The following DENND4C variants were observed in gnomAD, a reference collection of about 807,000 sequenced individuals.
The protein encoded by DENND4C is DENN domain-containing protein 4C.
A neutral mutation model predicts 203.0 loss-of-function variants in DENND4C; 108 were observed. The observed-to-expected ratio is 0.53, with a 90% CI of 0.46 to 0.62. The LOEUF (loss-of-function observed/expected upper bound fraction) is 0.62, where lower values mean the gene tolerates loss of function less well. Ranked by LOEUF, DENND4C falls within the 20% of genes least tolerant of loss-of-function variation. The pLI is 0.00. For missense variants in DENND4C, 2,481 were observed against 2,301.2 expected (o/e 1.08, Z -1.60); for synonymous variants, 871 against 792.4 (o/e 1.10, Z -1.67).
At chr9:19,355,321 A>G (rs1164759769) in intron 26 of DENND4C, among the ~76,000 whole-genome samples, 1 of 152,066 alleles carries the variant, frequency 6.6e-6, no homozygotes, top group Non-Finnish European at 1.5e-5. Flanking sequence ...TTAATTTTTT[A>G]CCTTGCAATT....
chr9:19,232,517 T>TGTCTC (rs1820837408), intron 1 of DENND4C, among the ~76,000 whole-genome samples: 2 of 152,210 alleles, frequency 1.3e-5, no homozygotes, highest in African/African-American at 4.8e-5. Context: ...ATGTTGTCGT[T>TGTCTC]GTATATTGGA....
intron 1 of DENND4C, among the ~76,000 whole-genome samples, chr9:19,251,361 T>A (rs986930927): frequency 2.0e-5 from 3 of 152,202 alleles, no homozygotes; most frequent in Non-Finnish European, 4.4e-5. Flanking sequence ...AAGGGGATGC[T>A]GGGCCCAGCC....
At chr9:19,256,309 GTTTTTTTTTTTT>G (rs1165191635) in intron 1 of DENND4C, among the ~76,000 whole-genome samples, 1 of 84,880 alleles carries the variant, frequency 1.2e-5, no homozygotes, top group African/African-American at 5.0e-5. Flanking sequence ...TTTTTTTTTT[GTTTTTTTTTTTT>G]TTTTTGAGAT....
chr9:19,261,772 T>G (rs972759775), intron 1 of DENND4C, among the ~76,000 whole-genome samples: 1 of 152,080 alleles, frequency 6.6e-6, no homozygotes, highest in African/African-American at 2.4e-5. Context: ...TCCAACATGC[T>G]GGGATACAGA....
chr9:19,326,842 T>C (rs1817938452), intron 15 of DENND4C, among the ~76,000 whole-genome samples: 1 of 152,142 alleles, frequency 6.6e-6, no homozygotes, highest in South Asian at 2.1e-4. Context: ...TCTGAACATT[T>C]TCCCATGCCA....
At chr9:19,236,922 T>G (rs1052256501) in intron 1 of DENND4C, among the ~76,000 whole-genome samples, 2 of 152,262 alleles carry the variant, frequency 1.3e-5, no homozygotes, top group Non-Finnish European at 2.9e-5. Context: ...GATGAGTTAC[T>G]ATCTATTCCA....
chr9:19,324,756 G>T (rs953242030), intron 13 of DENND4C, among the ~76,000 whole-genome samples: 2 of 152,176 alleles, frequency 1.3e-5, no homozygotes, highest in Non-Finnish European at 2.9e-5. Flanking sequence ...ATCTCATTCT[G>T]TTACCCAGGC....
At chr9:19,361,046 G>C (rs980895226) in intron 29 of DENND4C, among the ~76,000 whole-genome samples, 1 of 152,040 alleles carries the variant, frequency 6.6e-6, no homozygotes, top group Non-Finnish European at 1.5e-5. Context: ...GTTAATTTTT[G>C]TATTTTTGGT....
At chr9:19,238,846 T>G (rs1335638964) in intron 1 of DENND4C, among the ~76,000 whole-genome samples, 1 of 149,936 alleles carries the variant, frequency 6.7e-6, no homozygotes, top group African/African-American at 2.5e-5. Context: ...GGAGATGGGG[T>G]TTCACTATGT....
intron 16 of DENND4C, among the ~76,000 whole-genome samples, chr9:19,328,836 G>T (rs1317257409): frequency 6.6e-6 from 1 of 151,930 alleles, no homozygotes; most frequent in Non-Finnish European, 1.5e-5. Flanking sequence ...ATCACCTGAG[G>T]TCAGGAGTTC....
chr9:19,299,683 G>A (rs991050260), intron 8 of DENND4C, among the ~76,000 whole-genome samples: 3 of 151,974 alleles, frequency 2.0e-5, no homozygotes, highest in African/African-American at 7.3e-5. Context: ...TTCACTATTA[G>A]CCTCTTAATT....
chr9:19,243,570 G>A (rs1374099066), intron 1 of DENND4C, among the ~76,000 whole-genome samples: 3 of 152,094 alleles, frequency 2.0e-5, no homozygotes, highest in African/African-American at 7.2e-5. Flanking sequence ...CTCTCTCTGT[G>A]GATTTGCCTA....
intron 18 of DENND4C, among the ~76,000 whole-genome samples, chr9:19,335,642 A>G (rs1563815544): frequency 6.6e-6 from 1 of 152,086 alleles, no homozygotes; most frequent in Non-Finnish European, 1.5e-5. Context: ...TTCACTTACC[A>G]TAATGTCCTC....
chr9:19,308,649 C>A (rs1186949427), intron 10 of DENND4C, among the ~76,000 whole-genome samples: 2 of 152,114 alleles, frequency 1.3e-5, no homozygotes, highest in African/African-American at 2.4e-5. Context: ...TTTTGATAAA[C>A]AGGGGCTCAT....
At chr9:19,331,915 C>G in intron 16 of DENND4C, 63 bp from the exon 17 acceptor site, 2 of 1,440,622 alleles carry the variant, frequency 1.4e-6, no homozygotes, top group Non-Finnish European at 1.9e-6. Flanking sequence ...CCTTTTCCTT[C>G]TCACTTCTCC....
At chr9:19,347,657 TTAA>T (rs1823204917) in intron 23 of DENND4C, among the ~76,000 whole-genome samples, 1 of 152,224 alleles carries the variant, frequency 6.6e-6, no homozygotes, top group Admixed American at 6.5e-5. Context: ...TGTAAGGAAG[TTAA>T]TAATGTAGAA....
intron 4 of DENND4C, 100 bp from the exon 5 acceptor site, chr9:19,290,604 C>T (rs764097344): frequency 3.5e-5 from 27 of 779,740 alleles, no homozygotes; most frequent in Non-Finnish European, 4.3e-5. Context: ...CAAGTATTGC[C>T]ATGAAATTCG....
intron 30 of DENND4C, among the ~76,000 whole-genome samples, chr9:19,362,219 A>C (rs1826645836): frequency 6.6e-6 from 1 of 152,212 alleles, no homozygotes; most frequent in African/African-American, 2.4e-5. Flanking sequence ...GGTTGCAATG[A>C]GCTGAGATCA....
chr9:19,342,503 T>C (rs957809243), intron 21 of DENND4C, 130 bp from the exon 22 acceptor site: 16 of 919,126 alleles, frequency 1.7e-5, no homozygotes, highest in Non-Finnish European at 2.5e-5. Flanking sequence ...TCTATTTTAC[T>C]TTGTGTCTAA....
Sources: gnomAD v4.1 joint callset for allele counts (sites outside exome capture counted in the v4.1 genomes callset) on GRCh38, gnomAD v4.1.1 for gene constraint, MANE v1.5 for transcripts, NCBI Gene and HGNC (gene_info 2026-07-23, HGNC 2026-07-21) for gene names.